The following ATG13 variants were observed in gnomAD, a reference collection of about 807,000 sequenced individuals.
ATG13 encodes autophagy related 13.
A neutral mutation model predicts 65.5 loss-of-function variants in ATG13; 23 were observed. That is an observed-to-expected ratio of 0.35 (90% CI 0.25 to 0.50). The LOEUF is 0.50. Ranked by LOEUF, ATG13 falls within the 20% of genes least tolerant of loss-of-function variation. The pLI is 0.98. For synonymous variants in ATG13, 252 were observed against 245.2 expected, an observed-to-expected ratio of 1.03 and a Z score of -0.26; for missense variants, 566 against 677.0, an observed-to-expected ratio of 0.84 and a Z score of 1.82.
intron 14 of ATG13, among the ~76,000 whole-genome samples, chr11:46,666,926 G>A (rs1326077903): frequency 1.3e-5 from 2 of 151,964 alleles, no homozygotes; most frequent in African/African-American, 4.8e-5. Flanking sequence ...TTGTGTGTGT[G>A]TGTGCCATCC....
chr11:46,649,151 G>A lies in ATG13; in HGVS notation c.285G>A (p.Glu95=), dbSNP rs762067700. The part of the protein sequence containing the change: ...SLKTSEGDSM[E]LEIWCLEMNE... ...CCTTTCTACAGGGAGATTCCATGGA[G>A]CTGGAAATATGGTGTCTTGAAATGA... Residue 95 remains glutamate (E), a synonymous_variant, in exon 6 of 19, where the codon GAG becomes GAA. Transcript: ENST00000683050. The A allele has an allele frequency of 3.7e-6, 6 of 1,613,038 alleles. No individual in the cohort carries two copies. The highest frequency in any genetic ancestry group is 2.2e-5 in the East Asian group (1 of 44,848).
intron 18 of ATG13, among the ~76,000 whole-genome samples, chr11:46,670,278 C>T (rs1218658475): frequency 6.6e-6 from 1 of 150,898 alleles, no homozygotes; most frequent in Admixed American, 6.6e-5. Context: ...GTCAGGAGTT[C>T]GAGACCAGCC....
chr11:46,665,951 C>T (rs2062252250), intron 14 of ATG13, among the ~76,000 whole-genome samples: 1 of 151,596 alleles, frequency 6.6e-6, no homozygotes, highest in African/African-American at 2.4e-5. Flanking sequence ...ATTACGGGCG[C>T]GTGCCACCAC....
At chr11:46,651,983 G>A (rs750586920) in intron 7 of ATG13, among the ~76,000 whole-genome samples, 3 of 151,798 alleles carry the variant, frequency 2.0e-5, no homozygotes, top group Non-Finnish European at 2.9e-5. Context: ...GGGGCCGGAC[G>A]CACGGCTGTA....
intron 1 of ATG13, among the ~76,000 whole-genome samples, chr11:46,628,670 C>G (rs1386818980): frequency 6.6e-6 from 1 of 152,080 alleles, no homozygotes; most frequent in African/African-American, 2.4e-5. Flanking sequence ...GTTAACTGTT[C>G]ATTGTTAATA....
intron 2 of ATG13, among the ~76,000 whole-genome samples, chr11:46,639,790 TG>T (rs796790527): frequency 3.3e-5 from 5 of 151,520 alleles, no homozygotes; most frequent in Admixed American, 1.3e-4. Context: ...GGTTTCTCTG[TG>T]GGGGGGCCTT....
intron 16 of ATG13, 91 bp downstream of exon 16, chr11:46,668,667 A>G: frequency 6.6e-7 from 1 of 1,518,672 alleles, no homozygotes; most frequent in Non-Finnish European, 9.1e-7. Flanking sequence ...CACAGACTAT[A>G]AACCATGGCC....
intron 1 of ATG13, among the ~76,000 whole-genome samples, chr11:46,619,714 A>G (rs2046752931): frequency 2.6e-5 from 4 of 151,636 alleles, no homozygotes; most frequent in Admixed American, 2.0e-4. Flanking sequence ...CTGAAGAGTA[A>G]ATGTGGGCCA....
intron 2 of ATG13, 140 bp from the exon 3 acceptor site, chr11:46,644,139 C>A: frequency 1.8e-6 from 1 of 541,286 alleles, no homozygotes; most frequent in Middle Eastern, 4.6e-4. Context: ...ACTTTGGTAT[C>A]TTTAGTTAAA....
At chr11:46,626,598 TTTG>T (rs2049747518) in intron 1 of ATG13, among the ~76,000 whole-genome samples, 1 of 152,162 alleles carries the variant, frequency 6.6e-6, no homozygotes, top group African/African-American at 2.4e-5. Context: ...CTTTGATGAC[TTTG>T]TTAAGATTGT....
intron 1 of ATG13, among the ~76,000 whole-genome samples, chr11:46,626,502 C>T (rs980205413): frequency 1.3e-5 from 2 of 151,944 alleles, no homozygotes; most frequent in Non-Finnish European, 2.9e-5. Context: ...CGTCCGCCTC[C>T]GCCTCCCAGA....
chr11:46,636,996 G>A (rs1180211096), intron 2 of ATG13, among the ~76,000 whole-genome samples: 1 of 152,120 alleles, frequency 6.6e-6, no homozygotes, highest in African/African-American at 2.4e-5. Context: ...CAAAGTGCTG[G>A]GATTACAGGT....
chr11:46,657,355 A>G, intron 9 of ATG13, 164 bp downstream of exon 9: 4 of 924,394 alleles, frequency 4.3e-6, no homozygotes, highest in Non-Finnish European at 6.7e-6. Flanking sequence ...TGAGTGTCCC[A>G]GAGCCAGTTT....
At chr11:46,634,984 A>G (rs2053446835) in intron 2 of ATG13, among the ~76,000 whole-genome samples, 1 of 151,398 alleles carries the variant, frequency 6.6e-6, no homozygotes, top group Admixed American at 6.6e-5. Flanking sequence ...TACAGGCATG[A>G]GTCACCTCAC....
intron 1 of ATG13, among the ~76,000 whole-genome samples, chr11:46,624,303 A>G (rs949877501): frequency 6.6e-6 from 1 of 152,176 alleles, no homozygotes; most frequent in Non-Finnish European, 1.5e-5. Flanking sequence ...ACAACCAGCC[A>G]AATTCAGGAA....
In ATG13 at chr11:46,672,663, G is replaced by A. The variant is rs559818484; in HGVS notation, c.*331G>A. On this transcript the variant is annotated 3_prime_UTR_variant, in exon 19 of 19. Transcript: ENST00000683050. ...GTGTCATCCTGTTCCTCCTGCTGCC[G>A]GCCTCCTGCCTGGGCCTGCCTTGCA... The A allele has an allele frequency of 2.3e-5, 32 of 1,378,492 alleles. No individual in the cohort carries two copies. The East Asian group carries it at 2.5e-4, about 11-fold the overall frequency. 85.4% of individuals were successfully genotyped at this position (1,378,492 alleles called of 1,614,324 possible).
chr11:46,660,707 C>CTT (rs879917983), intron 11 of ATG13, among the ~76,000 whole-genome samples: 1 of 141,070 alleles, frequency 7.1e-6, no homozygotes, highest in Non-Finnish European at 1.6e-5. Context: ...TGCGCCCGGC[C>CTT]TTTTTTTTTT....
chr11:46,660,336 CCAGA>C (rs2060882951), intron 11 of ATG13, among the ~76,000 whole-genome samples: 1 of 151,610 alleles, frequency 6.6e-6, no homozygotes, highest in Admixed American at 6.6e-5. Flanking sequence ...ATTTGGAGGA[CCAGA>C]CAAATTCATT....
chr11:46,651,315 T>C (rs1350494750), intron 7 of ATG13, among the ~76,000 whole-genome samples: 1 of 152,242 alleles, frequency 6.6e-6, no homozygotes, highest in Admixed American at 6.5e-5. Context: ...GCAGTTCTTA[T>C]GAAGGAAGTA....
Sources: gnomAD v4.1 joint callset for allele counts (sites outside exome capture counted in the v4.1 genomes callset) on GRCh38, gnomAD v4.1.1 for gene constraint, MANE v1.5 for transcripts, NCBI Gene and HGNC (gene_info 2026-07-23, HGNC 2026-07-21) for gene names.